The following ANKRD55 variants were observed in gnomAD, a reference collection of about 807,000 sequenced individuals.
The protein encoded by ANKRD55 is ankyrin repeat domain-containing protein 55.
A neutral mutation model predicts 60.6 loss-of-function variants in ANKRD55; 41 were observed. That is an observed-to-expected ratio of 0.68 (90% CI 0.53 to 0.88). The LOEUF (loss-of-function observed/expected upper bound fraction) is 0.88, where lower values mean the gene tolerates loss of function less well. Among genes scored for constraint, ANKRD55 ranks in the 40% least tolerant of loss-of-function variants. ANKRD55 has a pLI of 0.00. For synonymous variants in ANKRD55, 264 were observed against 290.3 expected, an observed-to-expected ratio of 0.91 and a Z score of 0.92; for missense variants, 732 against 767.6, an observed-to-expected ratio of 0.95 and a Z score of 0.55.
chr5:56,121,071 G>C (rs948297817), intron 8 of ANKRD55, among the ~76,000 whole-genome samples: 1 of 152,052 alleles, frequency 6.6e-6, no homozygotes, highest in Non-Finnish European at 1.5e-5. Flanking sequence ...GATGGCGCCC[G>C]TGCCCAAGCA....
Position 56,121,548 on chromosome 5 carries a change from T to A in ANKRD55, c.798-4766A>T, listed in dbSNP as rs572488441. Among the ~76,000 whole-genome samples, 4 of 152,054 alleles carry A rather than the reference T, an allele frequency of 2.6e-5. No individual in the cohort carries two copies. The South Asian group carries it at 8.3e-4, about 32-fold the overall frequency. On this transcript the variant is annotated intron_variant, in intron 8 of 11. Coordinates refer to ENST00000341048, the MANE Select transcript of ANKRD55 (RefSeq NM_024669.3). ...CCACCACACCCAGCTAATTTTTGTA[T>A]TTTTAGTAGAGATGAGGTTTCACCA...
At chr5:56,135,945 A>G (rs1425405456) in intron 7 of ANKRD55, among the ~76,000 whole-genome samples, 1 of 152,172 alleles carries the variant, frequency 6.6e-6, no homozygotes, top group East Asian at 1.9e-4. Flanking sequence ...TAAAAATACA[A>G]TACCATTTAC....
intron 3 of ANKRD55, among the ~76,000 whole-genome samples, chr5:56,177,592 C>T (rs1286573689): frequency 2.0e-5 from 3 of 152,014 alleles, no homozygotes; most frequent in Non-Finnish European, 4.4e-5. Context: ...GCCTGGCCAA[C>T]ATGGTGAAAC....
intron 7 of ANKRD55, among the ~76,000 whole-genome samples, chr5:56,132,668 G>C (rs1186607574): frequency 6.6e-6 from 1 of 150,998 alleles, no homozygotes; most frequent in African/African-American, 2.4e-5. Flanking sequence ...CTAACTATAT[G>C]AATAATCACT....
intron 7 of ANKRD55, 79 bp from the exon 8 acceptor site, chr5:56,127,185 CAAAGGAAAA>C: frequency 2.3e-6 from 3 of 1,292,392 alleles, no homozygotes; most frequent in South Asian, 3.1e-5. Context: ...GATAAAAATA[CAAAGGAAAA>C]AAAGGAAAGA....
At chr5:56,152,387 A>G (rs1210321640) in intron 6 of ANKRD55, among the ~76,000 whole-genome samples, 1 of 152,062 alleles carries the variant, frequency 6.6e-6, no homozygotes, top group African/African-American at 2.4e-5. Flanking sequence ...GCTCACAAAA[A>G]TCTGCTTACA....
At chr5:56,165,689 G>T (rs1758429758) in intron 5 of ANKRD55, among the ~76,000 whole-genome samples, 1 of 152,104 alleles carries the variant, frequency 6.6e-6, no homozygotes, top group African/African-American at 2.4e-5. Context: ...CAGCACTTTG[G>T]GAGGCTGAGG....
At chr5:56,188,448 T>G (rs1396883344) in intron 2 of ANKRD55, among the ~76,000 whole-genome samples, 1 of 152,224 alleles carries the variant, frequency 6.6e-6, no homozygotes, top group Non-Finnish European at 1.5e-5. Context: ...TCTGGTAGTT[T>G]CATGTCTTAC....
At chr5:56,131,127 G>A (rs1757397128) in intron 7 of ANKRD55, among the ~76,000 whole-genome samples, 1 of 151,350 alleles carries the variant, frequency 6.6e-6, no homozygotes, top group African/African-American at 2.4e-5. Context: ...AAAGCTCAGA[G>A]AACACCAAGC....
chr5:56,106,420 C>CTTTTTTT (rs71602938), intron 10 of ANKRD55, among the ~76,000 whole-genome samples: 7 of 96,912 alleles, frequency 7.2e-5, no homozygotes, highest in African/African-American at 1.8e-4. Flanking sequence ...GCTAGGAAAG[C>CTTTTTTT]TTTTTTTTTT....
At chr5:56,166,095 T>TTTCTTTCTTTCTTTCTTTCTTTC (rs1561277601) in intron 5 of ANKRD55, among the ~76,000 whole-genome samples, 1,185 of 27,108 alleles carry the variant, frequency 0.044, 65 homozygotes, top group South Asian at 0.072. Context: ...TTTTTCTTTC[T>TTTCTTTCTTTCTTTCTTTCTTTC]TTCTTTCTTT....
chr5:56,186,010 G>A (rs160934), intron 2 of ANKRD55, among the ~76,000 whole-genome samples: 1 of 152,064 alleles, frequency 6.6e-6, no homozygotes, highest in African/African-American at 2.4e-5. Flanking sequence ...CATTTGCCTG[G>A]GGGCCAGAAG....
At chr5:56,218,152 G>A (rs1179119010) in intron 2 of ANKRD55, among the ~76,000 whole-genome samples, 1 of 152,176 alleles carries the variant, frequency 6.6e-6, no homozygotes, top group African/African-American at 2.4e-5. Context: ...GATTTCTTGA[G>A]ATCATATCTA....
intron 7 of ANKRD55, chr5:56,137,337 A>G: frequency 6.7e-7 from 1 of 1,495,284 alleles, no homozygotes; most frequent in Non-Finnish European, 9.2e-7. Flanking sequence ...CCATGGGAAC[A>G]AAGCACCTAA....
chr5:56,232,745 A>AACAC (rs142447793), intron 2 of ANKRD55, 111 bp downstream of exon 2: 186,258 of 865,864 alleles, frequency 0.22, 10,514 homozygotes, highest in East Asian at 0.53. Flanking sequence ...CACGCACATG[A>AACAC]ACACACACAC....
At chr5:56,109,081 C>CA (rs1561249610) in intron 10 of ANKRD55, among the ~76,000 whole-genome samples, 52 of 135,428 alleles carry the variant, frequency 3.8e-4, no homozygotes, top group African/African-American at 1.4e-3. Flanking sequence ...ACACACACAC[C>CA]CCACCGCCCA....
At chr5:56,135,714 A>C (rs1003885669) in intron 7 of ANKRD55, among the ~76,000 whole-genome samples, 12 of 152,294 alleles carry the variant, frequency 7.9e-5, no homozygotes, top group African/African-American at 2.9e-4. Flanking sequence ...AGTTAATGCA[A>C]TAAGACAAGA....
At chr5:56,182,748 G>A (rs1758878146) in intron 3 of ANKRD55, among the ~76,000 whole-genome samples, 1 of 152,132 alleles carries the variant, frequency 6.6e-6, no homozygotes, top group Non-Finnish European at 1.5e-5. Context: ...GGAAGTAAAG[G>A]GGTGCCACCT....
intron 2 of ANKRD55, among the ~76,000 whole-genome samples, chr5:56,214,298 G>A (rs984853401): frequency 1.6e-4 from 25 of 152,358 alleles, no homozygotes; most frequent in African/African-American, 4.8e-4. Context: ...ATGTTCACTT[G>A]ACCTGGGGAG....
Sources: gnomAD v4.1 joint callset for allele counts (sites outside exome capture counted in the v4.1 genomes callset) on GRCh38, gnomAD v4.1.1 for gene constraint, MANE v1.5 for transcripts, NCBI Gene and HGNC (gene_info 2026-07-23, HGNC 2026-07-21) for gene names.